The following SUFU variants were observed in gnomAD, a reference collection of about 807,000 sequenced individuals.
SUFU encodes suppressor of fused homolog.
A neutral mutation model predicts 58.9 loss-of-function variants in SUFU; 7 were observed. The ratio of observed to expected loss-of-function variants is 0.12; its 90% CI spans 0.07 to 0.22. The LOEUF is 0.22. Among genes scored for constraint, SUFU ranks in the 10% least tolerant of loss-of-function variants. The probability of loss-of-function intolerance (pLI) is 1.00; values close to 1 mark genes in which losing one functional copy is unlikely to be tolerated. For synonymous variants in SUFU, 232 were observed against 254.8 expected, an observed-to-expected ratio of 0.91 and a Z score of 0.85; for missense variants, 451 against 641.3, an observed-to-expected ratio of 0.70 and a Z score of 3.20.
rs1184095330 is a variant in SUFU at position 102,504,098 on chromosome 10, C to A, written c.-55C>A. On this transcript the variant is annotated 5_prime_UTR_variant, in exon 1 of 12. Transcript: ENST00000369902. The stretch of plus-strand genomic sequence containing the variant: ...GAGTCCGCCCGCTGGCCCGTCAGTG[C>A]TCTCCCCGTCGTTTGCCCTCTCCAG... 6.6e-7 allele frequency: 1 copy of A among 1,508,680 alleles called. No individual in the cohort carries two copies. The highest frequency in any genetic ancestry group is 1.3e-5 in the South Asian group (1 of 79,862). The allele number at this position is 1,508,680 out of a possible 1,614,324, so 93.5% of individuals were successfully genotyped here. A position where few individuals can be genotyped will look rare whatever the true frequency, so the allele number is the denominator to read the frequency against.
intron 2 of SUFU, among the ~76,000 whole-genome samples, chr10:102,516,120 C>CTT (rs1389503174): frequency 2.7e-5 from 2 of 74,860 alleles, no homozygotes; most frequent in Non-Finnish European, 5.4e-5. Flanking sequence ...TTCTTTCTTT[C>CTT]TTTTCTTTTT....
At position 102,589,442 on chromosome 10, in the gene SUFU, C is replaced by CTTTTTTTTTTTTTTTTTTT. The variant is rs747625757; in HGVS notation, c.455-3137_455-3119dup. Among the ~76,000 whole-genome samples the CTTTTTTTTTTTTTTTTTTT allele has an allele frequency of 1.7e-4, 11 of 65,364 alleles. 2 individuals carry two copies. The highest frequency in any genetic ancestry group is 5.3e-4 in the East Asian group (1 of 1,888). 42.9% of individuals were successfully genotyped at this position (65,364 alleles called of 152,430 possible). On this transcript the variant is annotated intron_variant, in intron 3 of 11. Coordinates refer to ENST00000369902, the MANE Select transcript of SUFU (RefSeq NM_016169.4). ...CAATCTGGAAGTATTTTCTTTCTTT[C>CTTTTTTTTTTTTTTTTTTT]TTTTTTTTTTTTTTTTTTTTTGAGA... is the stretch of plus-strand genomic sequence containing the variant.
intron 3 of SUFU, among the ~76,000 whole-genome samples, chr10:102,589,472 G>A (rs1210643345): frequency 1.5e-4 from 5 of 32,494 alleles, no homozygotes; most frequent in African/African-American, 5.5e-4. Context: ...TTGAGACAGT[G>A]TCTTACTCTG....
intron 2 of SUFU, among the ~76,000 whole-genome samples, chr10:102,547,370 G>C (rs2062865506): frequency 6.6e-6 from 1 of 152,178 alleles, no homozygotes. Context: ...ACCTCAAACA[G>C]GGTAATTCAG....
intron 3 of SUFU, among the ~76,000 whole-genome samples, chr10:102,561,823 C>A (rs777526672): frequency 1.3e-5 from 2 of 151,992 alleles, no homozygotes; most frequent in Non-Finnish European, 2.9e-5. Context: ...TGCATGCCAC[C>A]ACACCCGGCT....
rs376752468 is a variant in SUFU at position 102,504,236 on chromosome 10, G to T, written c.84G>T (p.Ser28=). 9 of 1,612,700 alleles carry T rather than the reference G, an allele frequency of 5.6e-6. No individual in the cohort carries two copies. The highest frequency in any genetic ancestry group is 7.6e-6 in the Non-Finnish European group (9 of 1,179,660). Residue 28 remains serine (S), a synonymous_variant, in exon 1 of 12, where the codon TCG becomes TCT. Transcript: ENST00000369902. ...PGPTAPPAFA[S]LFPPGLHAIY... ...CGACTGCCCCCCCGGCCTTCGCTTC[G>T]CTCTTTCCCCCGGGACTGCACGCCA...
At chr10:102,551,990 G>C (rs2062923533) in intron 3 of SUFU, among the ~76,000 whole-genome samples, 1 of 151,960 alleles carries the variant, frequency 6.6e-6, no homozygotes, top group Non-Finnish European at 1.5e-5. Context: ...CTCCCAAAGT[G>C]TTGGGATTAC....
intron 3 of SUFU, among the ~76,000 whole-genome samples, chr10:102,587,535 A>G (rs2063346892): frequency 1.3e-5 from 2 of 152,256 alleles, no homozygotes; most frequent in East Asian, 3.8e-4. Context: ...CTTGTCACCC[A>G]GGCTGGAGTG....
chr10:102,615,241 G>A lies in SUFU; in HGVS notation c.1023-27G>A, dbSNP rs370846955. The A allele has an allele frequency of 1.7e-5, 27 of 1,613,876 alleles. No individual in the cohort carries two copies. The African/African-American group carries it at 1.9e-4, about 11-fold the overall frequency. On this transcript the variant is annotated intron_variant, in intron 8 of 11. Coordinates refer to ENST00000369902, the MANE Select transcript of SUFU (RefSeq NM_016169.4). ...CTCCCTGAGCTTTTCACCTTGTGCC[G>A]AACCTTTTCCTGTGCTTGCTTCACA...
In SUFU at chr10:102,630,190, C is replaced by A. The variant is rs1273970588; in HGVS notation, c.*35C>A. 1 of 1,530,550 alleles carries A rather than the reference C, an allele frequency of 6.5e-7. No homozygotes were observed. Among genetic ancestry groups the A allele is most frequent in the South Asian group, 1.1e-5 (1 of 89,484 alleles). The allele number at this position is 1,530,550 out of a possible 1,614,324, so 94.8% of individuals were successfully genotyped here. A position where few individuals can be genotyped will look rare whatever the true frequency, so the allele number is the denominator to read the frequency against. On this transcript the variant is annotated 3_prime_UTR_variant, in exon 12 of 12. Coordinates refer to ENST00000369902, the MANE Select transcript of SUFU (RefSeq NM_016169.4). ...GGCCCTGCAGTGGCCAGCAGGGAGCCCAGCTGCTCCCCAGTGACTTCCAGT... is the reference window on the plus strand; with the variant it reads ...GGCCCTGCAGTGGCCAGCAGGGAGCACAGCTGCTCCCCAGTGACTTCCAGT...
intron 8 of SUFU, among the ~76,000 whole-genome samples, chr10:102,601,035 G>C (rs960673447): frequency 6.6e-6 from 1 of 152,216 alleles, no homozygotes; most frequent in South Asian, 2.1e-4. Flanking sequence ...CCTGAGCTTG[G>C]CTTCTCGCTT....
At chr10:102,622,335 G>T (rs2063746321) in intron 10 of SUFU, among the ~76,000 whole-genome samples, 3 of 152,190 alleles carry the variant, frequency 2.0e-5, no homozygotes, top group Admixed American at 2.0e-4. Context: ...GCCAGGTGCG[G>T]TGGCTCACGC....
At chr10:102,509,026 GGA>G in intron 1 of SUFU, 141 bp from the exon 2 acceptor site, 3 of 1,138,438 alleles carry the variant, frequency 2.6e-6, no homozygotes, top group Non-Finnish European at 3.9e-6. Flanking sequence ...GTCTCATTCT[GGA>G]GAGATGTGGC....
chr10:102,592,555 A>T (rs182795476), intron 3 of SUFU, 27 bp from the exon 4 acceptor site: 2 of 1,613,452 alleles, frequency 1.2e-6, no homozygotes, highest in South Asian at 2.2e-5. Context: ...GCCTTGAACA[A>T]TGAGGATCCT....
chr10:102,560,060 C>G (rs1003199154), intron 3 of SUFU, among the ~76,000 whole-genome samples: 3 of 152,220 alleles, frequency 2.0e-5, no homozygotes, highest in Non-Finnish European at 4.4e-5. Flanking sequence ...GTGGTACTGA[C>G]AGACTCTAAT....
chr10:102,626,531 C>T lies in SUFU; in HGVS notation c.1297-644C>T, dbSNP rs146972003. Among the ~76,000 whole-genome samples the T allele has an allele frequency of 3.0e-3, 460 of 152,216 alleles. 4 individuals carry two copies. Among genetic ancestry groups the T allele is most frequent in the African/African-American group, 0.011 (441 of 41,516 alleles). ...AGGCTGGAGGAACTCAGTGGCTGATCGAGCACAGCAGGTCAGGGGCTTGGG... is the reference window on the plus strand; with the variant it reads ...AGGCTGGAGGAACTCAGTGGCTGATTGAGCACAGCAGGTCAGGGGCTTGGG... On this transcript the variant is annotated intron_variant, in intron 10 of 11. Coordinates refer to ENST00000369902, the MANE Select transcript of SUFU (RefSeq NM_016169.4).
chr10:102,600,468 C>T (rs1564700350), intron 8 of SUFU, among the ~76,000 whole-genome samples: 1 of 152,148 alleles, frequency 6.6e-6, no homozygotes, highest in Non-Finnish European at 1.5e-5. Flanking sequence ...GAAACAGTTA[C>T]CTTTTAATGG....
chr10:102,623,554 A>G (rs1215953207), intron 10 of SUFU, among the ~76,000 whole-genome samples: 1 of 152,208 alleles, frequency 6.6e-6, no homozygotes, highest in African/African-American at 2.4e-5. Context: ...AGTTATCCCC[A>G]TCTATATAGG....
chr10:102,570,085 G>A (rs2135799178), intron 3 of SUFU, among the ~76,000 whole-genome samples: 1 of 152,232 alleles, frequency 6.6e-6, no homozygotes, highest in South Asian at 2.1e-4. Flanking sequence ...TTCCAAATGT[G>A]GATAGGCACT....
Sources: gnomAD v4.1 joint callset for allele counts (sites outside exome capture counted in the v4.1 genomes callset) on GRCh38, gnomAD v4.1.1 for gene constraint, MANE v1.5 for transcripts, NCBI Gene and HGNC (gene_info 2026-07-23, HGNC 2026-07-21) for gene names.